DENND2B: variants seen among roughly 807,000 people sequenced by gnomAD.
DENND2B encodes DENN domain-containing protein 2B.
In DENND2B, 32 loss-of-function variants were observed where a neutral mutation model predicts 116.0. That is an observed-to-expected ratio of 0.28 (90% CI 0.21 to 0.37). The LOEUF is 0.37. DENND2B is among the 10% of genes least tolerant of loss of function. The pLI is 1.00. For missense variants in DENND2B, 1,276 were observed against 1,477.7 expected (o/e 0.86, Z 2.24); for synonymous variants, 588 against 583.9 (o/e 1.01, Z -0.10).
chr11:8,714,838 T>C (rs993958858), intron 6 of DENND2B, 132 bp from the exon 7 acceptor site: 5 of 718,906 alleles, frequency 7.0e-6, no homozygotes, highest in Non-Finnish European at 1.2e-5. Flanking sequence ...GGTCCAGGAC[T>C]GGTCTAACTG....
At chr11:8,907,002 A>T (rs1299032469) in intron 1 of DENND2B, among the ~76,000 whole-genome samples, 2 of 151,366 alleles carry the variant, frequency 1.3e-5, no homozygotes, top group Non-Finnish European at 2.9e-5. Flanking sequence ...CCCCCTTCAC[A>T]TAAAGAAAAG....
chr11:8,747,546 C>A (rs775852022), intron 2 of DENND2B, among the ~76,000 whole-genome samples: 7 of 152,200 alleles, frequency 4.6e-5, no homozygotes, highest in Non-Finnish European at 1.0e-4. Flanking sequence ...AACACCAACA[C>A]AGTAAAGGCT....
intron 2 of DENND2B, among the ~76,000 whole-genome samples, chr11:8,745,070 C>T (rs910620175): frequency 3.9e-5 from 6 of 152,082 alleles, no homozygotes; most frequent in African/African-American, 9.7e-5. Flanking sequence ...GCATGCACCA[C>T]CACACCCAGC....
intron 4 of DENND2B, among the ~76,000 whole-genome samples, chr11:8,832,280 G>A (rs980339520): frequency 2.3e-4 from 35 of 152,002 alleles, no homozygotes; most frequent in African/African-American, 7.2e-4. Context: ...GTGAAACCCC[G>A]TCTCTAGTAC....
intron 1 of DENND2B, among the ~76,000 whole-genome samples, chr11:8,906,470 A>T (rs2064239295): frequency 6.9e-6 from 1 of 144,990 alleles, no homozygotes; most frequent in African/African-American, 2.5e-5. Context: ...AAGTGCTGGG[A>T]TTACAGGTGT....
upstream of DENND2B, among the ~76,000 whole-genome samples, chr11:8,872,811 G>C (rs368848814): frequency 1.2e-4 from 19 of 152,224 alleles, no homozygotes; most frequent in South Asian, 3.9e-3. Context: ...AAAACACAAA[G>C]GCCAAAAATC....
intron 1 of DENND2B, among the ~76,000 whole-genome samples, chr11:8,792,180 GGGCAACAGAGTGAGACGCTATC>G (rs1472638753): frequency 2.0e-5 from 3 of 152,124 alleles, no homozygotes; most frequent in African/African-American, 7.2e-5. Context: ...ACTCCAGCCT[GGGCAACAGAGTGAGACGCTATC>G]TCACACACAC....
chr11:8,751,697 G>A (rs1368299290), intron 1 of DENND2B, among the ~76,000 whole-genome samples: 3 of 152,180 alleles, frequency 2.0e-5, no homozygotes, highest in African/African-American at 7.2e-5. Context: ...GTGAGACCAA[G>A]AACCCACCAA....
chr11:8,853,940 C>T (rs1191096840), intron 3 of DENND2B, among the ~76,000 whole-genome samples: 1 of 150,652 alleles, frequency 6.6e-6, no homozygotes, highest in African/African-American at 2.4e-5. Context: ...CCTTGAACTC[C>T]TGGGCTCAAG....
intron 11 of DENND2B, among the ~76,000 whole-genome samples, chr11:8,709,497 T>C (rs2043216493): frequency 6.6e-6 from 1 of 152,164 alleles, no homozygotes; most frequent in Admixed American, 6.5e-5. Flanking sequence ...GCAACACTCC[T>C]TCCAAGCCTG....
At chr11:8,698,170 G>A (rs1377930016) in intron 16 of DENND2B, among the ~76,000 whole-genome samples, 1 of 107,278 alleles carries the variant, frequency 9.3e-6, no homozygotes, top group Non-Finnish European at 2.3e-5. Context: ...AAAAAAAGGG[G>A]GTAGAGCCAG....
intron 2 of DENND2B, among the ~76,000 whole-genome samples, chr11:8,859,754 C>T (rs2063332000): frequency 1.3e-5 from 2 of 152,144 alleles, no homozygotes; most frequent in South Asian, 2.1e-4. Context: ...AGCACTGCCC[C>T]ACTACCCCCA....
At chr11:8,710,802 T>A in intron 11 of DENND2B, 43 bp downstream of exon 11, 2 of 1,495,982 alleles carry the variant, frequency 1.3e-6, no homozygotes, top group Non-Finnish European at 1.8e-6. Context: ...CACCCTGGCC[T>A]ATCCCCTGCC....
At chr11:8,828,957 T>G in intron 4 of DENND2B, among the ~76,000 whole-genome samples, 1 of 149,888 alleles carries the variant, frequency 6.7e-6, no homozygotes, top group East Asian at 2.0e-4. Flanking sequence ...GTGTGTGGGG[T>G]GTGTGTGTGG....
upstream of DENND2B, among the ~76,000 whole-genome samples, chr11:8,813,788 A>C (rs2061476385): frequency 1.3e-5 from 2 of 152,070 alleles, no homozygotes; most frequent in African/African-American, 2.4e-5. Context: ...GGAGTTATGG[A>C]GGTTCCTTAG....
At chr11:8,890,633 G>C (rs1290911132) in intron 1 of DENND2B, among the ~76,000 whole-genome samples, 2 of 152,188 alleles carry the variant, frequency 1.3e-5, no homozygotes, top group African/African-American at 2.4e-5. Flanking sequence ...CTGGAAGAAA[G>C]GGTATCAGTG....
Position 8,730,436 on chromosome 11 carries a change from A to C in DENND2B, c.854T>G (p.Ile285Ser). The stretch of plus-strand genomic sequence containing the variant: ...CTTCAGGACCTGTTCAATTTTCTGG[A>C]TCCGGCTCAGCACTGCTGAGCTCTC... The part of the protein sequence containing the change: ...RKESSAVLSR[I>S]QKIEQVLKEQ... Residue 285 changes from isoleucine (I) to serine (S), a missense_variant, in exon 3 of 20, where the codon ATC becomes AGC. Coordinates refer to ENST00000313726, the MANE Select transcript of DENND2B (RefSeq NM_213618.2). This position sits in a 1 kb window ranked among gnomAD's most constrained non-coding sequence, Gnocchi z 4.1. 1 of 1,609,300 alleles carries C rather than the reference A, an allele frequency of 6.2e-7. No individual in the cohort carries two copies. The highest frequency in any genetic ancestry group is 8.5e-7 in the Non-Finnish European group (1 of 1,179,914).
intron 3 of DENND2B, among the ~76,000 whole-genome samples, chr11:8,849,388 G>A (rs1314092751): frequency 1.3e-5 from 2 of 150,418 alleles, no homozygotes; most frequent in Non-Finnish European, 2.9e-5. Flanking sequence ...AGCTACTCAG[G>A]AGGCTGAGGC....
chr11:8,845,528 C>A (rs974003471), intron 3 of DENND2B, among the ~76,000 whole-genome samples: 1 of 152,330 alleles, frequency 6.6e-6, no homozygotes, highest in African/African-American at 2.4e-5. Flanking sequence ...TACTCACAGT[C>A]ATTCACTTTC....
Sources: gnomAD v4.1 joint callset for allele counts (sites outside exome capture counted in the v4.1 genomes callset) on GRCh38, gnomAD v4.1.1 for gene constraint, Gnocchi (gnomAD v3.1) non-coding constraint, MANE v1.5 for transcripts, NCBI Gene and HGNC (gene_info 2026-07-23, HGNC 2026-07-21) for gene names.